Variants in KCNIP4 observed in about 807,000 individuals in gnomAD.
KCNIP4 encodes the protein potassium voltage-gated channel interacting protein 4.
Under a neutral mutation model 34.0 loss-of-function variants are expected in KCNIP4, and 12 were observed. The ratio of observed to expected loss-of-function variants is 0.35; its 90% confidence interval spans 0.23 to 0.57. The LOEUF (loss-of-function observed/expected upper bound fraction) is 0.57, where lower values mean the gene tolerates loss of function less well. KCNIP4 is among the 20% of genes least tolerant of loss of function. The pLI is 0.83. For missense variants in KCNIP4, 238 were observed against 311.7 expected (o/e 0.76, Z 1.78); for synonymous variants, 124 against 102.2 (o/e 1.21, Z -1.29).
At chr4:21,290,269 T>C (rs1171487665) in intron 1 of KCNIP4, among the ~76,000 whole-genome samples, 2 of 152,164 alleles carry the variant, frequency 1.3e-5, no homozygotes, top group African/African-American at 4.8e-5. Flanking sequence ...TTAAATATGT[T>C]TTCTGGACCC....
chr4:20,980,213 A>G (rs1281941394), intron 1 of KCNIP4, among the ~76,000 whole-genome samples: 1 of 152,160 alleles, frequency 6.6e-6, no homozygotes, highest in Non-Finnish European at 1.5e-5. Flanking sequence ...AAGCTTGTTG[A>G]GGGCACTTTA....
chr4:21,894,334 CAAAT>C lies in KCNIP4; in HGVS notation c.61+54233_61+54236del, dbSNP rs71655673. ...TGGGTGACAAAGTGAGACCCAGTCT[CAAAT>C]AAATAAATAAATAAATAAATAAAAC... On this transcript the variant is annotated intron_variant, in intron 1 of 8. Coordinates refer to ENST00000382152, the MANE Select transcript of KCNIP4 (RefSeq NM_025221.6). Among the ~76,000 whole-genome samples, 133 of 150,904 alleles carry C rather than the reference CAAAT, an allele frequency of 8.8e-4. 4 individuals carry two copies. The East Asian group carries it at 0.024, about 28-fold the overall frequency.
intron 1 of KCNIP4, among the ~76,000 whole-genome samples, chr4:21,008,668 C>T (rs553569316): frequency 5.3e-5 from 8 of 151,936 alleles, no homozygotes; most frequent in South Asian, 2.1e-4. Context: ...GGACTGCAGG[C>T]GCCCGCCACC....
At chr4:20,990,258 A>T (rs1414378032) in intron 1 of KCNIP4, among the ~76,000 whole-genome samples, 1 of 152,178 alleles carries the variant, frequency 6.6e-6, no homozygotes, top group Non-Finnish European at 1.5e-5. Flanking sequence ...GGGGTTTCTC[A>T]ATTACTTTGA....
At chr4:21,861,656 C>CAAGAA (rs1367713559) in intron 1 of KCNIP4, among the ~76,000 whole-genome samples, 5 of 101,320 alleles carry the variant, frequency 4.9e-5, no homozygotes, top group African/African-American at 1.2e-4. Flanking sequence ...GACTCCGTCT[C>CAAGAA]AAAAAAAAAA....
chr4:21,602,016 C>T (rs574994762), intron 1 of KCNIP4, among the ~76,000 whole-genome samples: 1 of 152,230 alleles, frequency 6.6e-6, no homozygotes, highest in African/African-American at 2.4e-5. Context: ...TATAGTCATG[C>T]CCCTCCCCAA....
At chr4:21,745,044 G>C (rs1716679070) in intron 1 of KCNIP4, among the ~76,000 whole-genome samples, 1 of 152,310 alleles carries the variant, frequency 6.6e-6, no homozygotes, top group African/African-American at 2.4e-5. Context: ...GTGCCTTGCA[G>C]AGATGGCATT....
At chr4:21,343,573 G>A (rs1716973273) in intron 1 of KCNIP4, among the ~76,000 whole-genome samples, 1 of 152,078 alleles carries the variant, frequency 6.6e-6, no homozygotes, top group Non-Finnish European at 1.5e-5. Flanking sequence ...TAAAAATGCT[G>A]CTTGTCTATG....
At chr4:20,817,039 T>C (rs1716483598) in intron 3 of KCNIP4, among the ~76,000 whole-genome samples, 1 of 152,202 alleles carries the variant, frequency 6.6e-6, no homozygotes, top group Non-Finnish European at 1.5e-5. Context: ...CAATATTTTA[T>C]TCAATCCAAA....
At chr4:21,821,091 C>A (rs1722326686) in intron 1 of KCNIP4, among the ~76,000 whole-genome samples, 2 of 152,090 alleles carry the variant, frequency 1.3e-5, no homozygotes, top group African/African-American at 4.8e-5. Context: ...AAATGCAGTT[C>A]TCAGTGTTAG....
At chr4:21,925,827 T>G (rs1729215415) in intron 1 of KCNIP4, among the ~76,000 whole-genome samples, 1 of 152,158 alleles carries the variant, frequency 6.6e-6, no homozygotes, top group Admixed American at 6.6e-5. Flanking sequence ...CAAATTCCAG[T>G]GTCTGGCATA....
intron 1 of KCNIP4, among the ~76,000 whole-genome samples, chr4:21,905,367 G>C (rs550448931): frequency 3.3e-5 from 5 of 152,084 alleles, no homozygotes; most frequent in Middle Eastern, 3.2e-3. Flanking sequence ...TTCATGCAGG[G>C]CTGATGCAGC....
At chr4:21,464,839 T>C (rs1011220820) in intron 1 of KCNIP4, 5 of 152,114 alleles carry the variant, frequency 3.3e-5, no homozygotes, top group African/African-American at 1.2e-4. Flanking sequence ...TTATTTTTAA[T>C]TTTAATAAAT....
intron 1 of KCNIP4, among the ~76,000 whole-genome samples, chr4:21,912,996 T>C (rs957473460): frequency 6.6e-6 from 1 of 151,996 alleles, no homozygotes; most frequent in Non-Finnish European, 1.5e-5. Flanking sequence ...TGTGGTAATC[T>C]AGGTAATAAT....
intron 1 of KCNIP4, among the ~76,000 whole-genome samples, chr4:21,299,419 T>C (rs1382695796): frequency 1.3e-5 from 2 of 152,064 alleles, no homozygotes; most frequent in Admixed American, 1.3e-4. Flanking sequence ...GTTCTTGAAA[T>C]AAGAAAAGAT....
intron 1 of KCNIP4, among the ~76,000 whole-genome samples, chr4:21,659,447 A>G (rs79370771): frequency 0.013 from 1,940 of 152,230 alleles, 25 homozygotes; most frequent in Non-Finnish European, 0.02. Flanking sequence ...TGGTTACCTT[A>G]CTAGTTTTTC....
intron 1 of KCNIP4, among the ~76,000 whole-genome samples, chr4:21,108,825 C>G (rs1165267194): frequency 2.0e-5 from 3 of 152,130 alleles, no homozygotes; most frequent in Non-Finnish European, 4.4e-5. Flanking sequence ...CAGACAGGAC[C>G]CTCAGCTGCA....
chr4:21,008,555 G>A (rs1169033316), intron 1 of KCNIP4, among the ~76,000 whole-genome samples: 4 of 150,388 alleles, frequency 2.7e-5, no homozygotes, highest in South Asian at 4.2e-4. Flanking sequence ...ACGGAGTCTC[G>A]CTCTGTCGCC....
At chr4:21,534,963 C>T (rs868848943) in intron 1 of KCNIP4, among the ~76,000 whole-genome samples, 4 of 152,112 alleles carry the variant, frequency 2.6e-5, no homozygotes, top group Admixed American at 6.5e-5. Flanking sequence ...AATGCTGTAT[C>T]GTTCCTCTCC....
Sources: allele counts gnomAD v4.1 joint callset (sites outside exome capture counted in the v4.1 genomes callset), GRCh38; gene constraint gnomAD v4.1.1; transcripts MANE v1.5; gene names NCBI Gene and HGNC (gene_info 2026-07-23, HGNC 2026-07-21).